The following DNAAF9 variants were observed in gnomAD, a reference collection of about 807,000 sequenced individuals.
DNAAF9 encodes the protein dynein axonemal assembly factor 9.
A neutral mutation model predicts 167.0 loss-of-function variants in DNAAF9; 90 were observed. That is an observed-to-expected ratio of 0.54 (90% CI 0.45 to 0.64). The LOEUF (loss-of-function observed/expected upper bound fraction) is 0.64. Among genes scored for constraint, DNAAF9 ranks in the 30% least tolerant of loss-of-function variants. DNAAF9 has a pLI of 0.00. For synonymous variants in DNAAF9, 491 were observed against 508.8 expected, an observed-to-expected ratio of 0.96 and a Z score of 0.47; for missense variants, 1,315 against 1,442.2, an observed-to-expected ratio of 0.91 and a Z score of 1.43.
At chr20:3,375,537 A>G in intron 4 of DNAAF9, among the ~76,000 whole-genome samples, 1 of 152,158 alleles carries the variant, frequency 6.6e-6, no homozygotes, top group East Asian at 1.9e-4. Flanking sequence ...CAAGACATTC[A>G]AACACAGGAA....
chr20:3,398,326 T>A (rs1293441755), intron 1 of DNAAF9, among the ~76,000 whole-genome samples: 2 of 152,216 alleles, frequency 1.3e-5, no homozygotes, highest in African/African-American at 2.4e-5. Context: ...CAACTCTTCC[T>A]ATAAGTCTAT....
At chr20:3,363,728 G>A (rs985951956) in intron 6 of DNAAF9, among the ~76,000 whole-genome samples, 3 of 151,932 alleles carry the variant, frequency 2.0e-5, no homozygotes, top group Non-Finnish European at 4.4e-5. Flanking sequence ...GACATAAAAT[G>A]TCTTTATTCT....
chr20:3,349,315 C>T (rs1432368966), intron 7 of DNAAF9, among the ~76,000 whole-genome samples: 3 of 151,596 alleles, frequency 2.0e-5, no homozygotes, highest in Admixed American at 6.6e-5. Flanking sequence ...CCAAGAGGTC[C>T]AAGTTGGAGT....
chr20:3,291,904 C>T lies in DNAAF9; in HGVS notation c.2239-1687G>A, dbSNP rs540415292. On this transcript the variant is annotated intron_variant, in intron 25 of 36. Coordinates refer to ENST00000252032, the MANE Select transcript of DNAAF9 (RefSeq NM_001009984.3). ...CCTCCTATCCAGCCTTCCCTGTCTT[C>T]GTTCCTATTTCTCAGTGCCCAGGTC... 5.9e-5 allele frequency among the ~76,000 whole-genome samples: 9 copies of T among 152,210 alleles called. 1 individual carries two copies. The East Asian group carries it at 1.5e-3, about 26-fold the overall frequency.
chr20:3,338,475 T>C (rs769043044), intron 10 of DNAAF9, among the ~76,000 whole-genome samples: 7 of 152,152 alleles, frequency 4.6e-5, no homozygotes, highest in Non-Finnish European at 1.0e-4. Context: ...TTTATCCTGC[T>C]TGGTGTTCTC....
intron 27 of DNAAF9, among the ~76,000 whole-genome samples, chr20:3,287,265 T>C (rs6037532): frequency 0.21 from 31,272 of 152,052 alleles, 3,519 homozygotes; most frequent in African/African-American, 0.28. Flanking sequence ...ATGAGGGTCA[T>C]CTCTGCAATT....
chr20:3,337,466 T>C (rs964056837), intron 10 of DNAAF9, among the ~76,000 whole-genome samples: 1 of 150,582 alleles, frequency 6.6e-6, no homozygotes, highest in Non-Finnish European at 1.5e-5. Flanking sequence ...GTATTTTTAG[T>C]AGAGACCAGG....
chr20:3,280,735 C>A (rs1184583932), intron 28 of DNAAF9, among the ~76,000 whole-genome samples: 2 of 151,752 alleles, frequency 1.3e-5, no homozygotes, highest in African/African-American at 4.8e-5. Flanking sequence ...CCAGCCTCAG[C>A]CTCCCAAGTA....
At chr20:3,391,142 A>G (rs1188773328) in intron 1 of DNAAF9, among the ~76,000 whole-genome samples, 2 of 152,254 alleles carry the variant, frequency 1.3e-5, no homozygotes, top group Admixed American at 1.3e-4. Flanking sequence ...CTTCCCAGAG[A>G]TAAACACTGT....
intron 20 of DNAAF9, among the ~76,000 whole-genome samples, chr20:3,310,630 A>G (rs1328564595): frequency 2.0e-5 from 3 of 151,840 alleles, no homozygotes; most frequent in Admixed American, 6.6e-5. Flanking sequence ...GGCTGCAGTG[A>G]GCTGAGATTG....
rs758930598 is a variant in DNAAF9 at position 3,375,136 on chromosome 20, C to T, written c.409-10G>A. The T allele has an allele frequency of 6.6e-7, 1 of 1,508,466 alleles. No homozygotes were observed. Among genetic ancestry groups the T allele is most frequent in the Admixed American group, 1.7e-5 (1 of 59,162 alleles). The allele number at this position is 1,508,466 out of a possible 1,614,324, so 93.4% of individuals were successfully genotyped here. A position where few individuals can be genotyped will look rare whatever the true frequency, so the allele number is the denominator to read the frequency against. ...CTTCTTCATCTTCATACTGAAGAGA[C>T]AAATCAAAAGAAAAATAAGCTCTGA... On this transcript the variant is annotated splice_polypyrimidine_tract_variant and intron_variant, in intron 4 of 36. Coordinates refer to ENST00000252032, the MANE Select transcript of DNAAF9 (RefSeq NM_001009984.3).
At chr20:3,338,186 G>A (rs1298758717) in intron 10 of DNAAF9, among the ~76,000 whole-genome samples, 1 of 151,758 alleles carries the variant, frequency 6.6e-6, no homozygotes, top group Non-Finnish European at 1.5e-5. Context: ...GTTTGAGAAA[G>A]TATTTCTCTT....
At chr20:3,372,487 C>T (rs6084353) in intron 6 of DNAAF9, among the ~76,000 whole-genome samples, 1 of 152,192 alleles carries the variant, frequency 6.6e-6, no homozygotes, top group Admixed American at 6.5e-5. Context: ...AAACATCATC[C>T]TAATGTAAAG....
chr20:3,315,773 C>G lies in DNAAF9; in HGVS notation c.1552G>C (p.Glu518Gln). The change falls in exon 19 of 37, where the codon GAA becomes CAA. Residue 518 changes from glutamate to glutamine, a missense_variant. This residue lies in a region of DNAAF9 where 981 missense variants were observed against 1,012.5 expected (regional missense o/e 0.97). Coordinates refer to ENST00000252032, the MANE Select transcript of DNAAF9 (RefSeq NM_001009984.3). The surrounding 1 kb of genome is among the most constrained non-coding windows in gnomAD (Gnocchi z 4.1). ...RFCSWLVEDN[E>Q]VKLSEKTQQA... ...TGGGTTTTCTCAGACAATTTTACTTCATTATCTTCCACCTGTGTCCAAAAG... is the reference window on the plus strand; with the variant it reads ...TGGGTTTTCTCAGACAATTTTACTTGATTATCTTCCACCTGTGTCCAAAAG... The G allele has an allele frequency of 1.2e-6, 2 of 1,613,622 alleles. No homozygotes were observed. Among genetic ancestry groups the G allele is most frequent in the Non-Finnish European group, 1.7e-6 (2 of 1,179,512 alleles).
intron 7 of DNAAF9, among the ~76,000 whole-genome samples, chr20:3,351,997 G>T (rs2070335017): frequency 6.6e-6 from 1 of 151,982 alleles, no homozygotes; most frequent in African/African-American, 2.4e-5. Flanking sequence ...GACCTCAAGT[G>T]ATCTGTCCGC....
intron 1 of DNAAF9, among the ~76,000 whole-genome samples, chr20:3,406,167 AG>A (rs1480545428): frequency 6.6e-6 from 1 of 152,246 alleles, no homozygotes; most frequent in Non-Finnish European, 1.5e-5. Context: ...AAAGGAATGC[AG>A]GGAAGTAAAA....
chr20:3,317,483 G>T (rs1044775225), intron 17 of DNAAF9, among the ~76,000 whole-genome samples: 23 of 151,688 alleles, frequency 1.5e-4, no homozygotes, highest in African/African-American at 5.1e-4. Context: ...AGATCAAAGA[G>T]AATTATCAGG....
At chr20:3,326,954 T>G (rs2069722134) in intron 12 of DNAAF9, among the ~76,000 whole-genome samples, 1 of 152,162 alleles carries the variant, frequency 6.6e-6, no homozygotes, top group African/African-American at 2.4e-5. Context: ...TTCAGTGTTC[T>G]CATACCCACT....
intron 1 of DNAAF9, among the ~76,000 whole-genome samples, chr20:3,383,783 CT>C (rs2083695304): frequency 6.7e-6 from 1 of 148,724 alleles, no homozygotes; most frequent in South Asian, 2.2e-4. Context: ...TTCCTGAATT[CT>C]TTTGCCCCAC....
Sources: gnomAD v4.1 joint callset for allele counts (sites outside exome capture counted in the v4.1 genomes callset) on GRCh38, gnomAD v4.1.1 for gene constraint, gnomAD v4.1.1 regional missense constraint, Gnocchi (gnomAD v3.1) non-coding constraint, MANE v1.5 for transcripts, NCBI Gene and HGNC (gene_info 2026-07-23, HGNC 2026-07-21) for gene names.